Variants in SSBP2 observed in about 807,000 individuals in gnomAD.
The protein encoded by SSBP2 is single stranded DNA binding protein 2.
SSBP2 carries 17 observed loss-of-function variants against 61.8 expected under a neutral mutation model. The ratio of observed to expected loss-of-function variants is 0.28; its 90% CI spans 0.19 to 0.41. SSBP2 has a LOEUF of 0.41. SSBP2 is among the 10% of genes least tolerant of loss of function. The probability of loss-of-function intolerance (pLI) is 1.00; values close to 1 mark genes in which losing one functional copy is unlikely to be tolerated. For missense variants in SSBP2, 310 were observed against 458.7 expected, an observed-to-expected ratio of 0.68 and a Z score of 2.96; for synonymous variants, 139 against 141.3, an observed-to-expected ratio of 0.98 and a Z score of 0.12.
At chr5:81,583,368 G>A (rs562116216) in intron 4 of SSBP2, among the ~76,000 whole-genome samples, 5 of 151,662 alleles carry the variant, frequency 3.3e-5, no homozygotes, top group South Asian at 2.1e-4. Flanking sequence ...AGTGGCTCAC[G>A]CTTGTAATCC....
At chr5:81,687,490 A>G (rs1752904747) in intron 1 of SSBP2, among the ~76,000 whole-genome samples, 2 of 152,222 alleles carry the variant, frequency 1.3e-5, no homozygotes, top group South Asian at 2.1e-4. Flanking sequence ...TGCAGGGCAT[A>G]TGACCCAGTG....
At position 81,415,794 on chromosome 5, in the gene SSBP2, C is replaced by T. The variant is rs1055665180; in HGVS notation, c.*4710G>A. ...GGGCATGGTGGTGAGCACCTGTAGT[C>T]CCAGCCACTCGGGAGGCTGAGGCAG... On this transcript the variant is annotated 3_prime_UTR_variant, in exon 17 of 17. Transcript: ENST00000320672. 3.3e-5 allele frequency: 5 copies of T among 151,892 alleles called. No homozygotes were observed. Among genetic ancestry groups the T allele is most frequent in the African/African-American group, 1.2e-4 (5 of 41,032 alleles). The allele number at this position is 151,892 out of a possible 1,614,324, so 9.4% of individuals were successfully genotyped here. A position where few individuals can be genotyped will look rare whatever the true frequency, so the allele number is the denominator to read the frequency against.
chr5:81,490,664 T>C (rs180781398), intron 5 of SSBP2, among the ~76,000 whole-genome samples: 54 of 152,322 alleles, frequency 3.5e-4, no homozygotes, highest in African/African-American at 1.2e-3. Context: ...TCCAGAGCTG[T>C]TTTAAAAGGA....
intron 1 of SSBP2, among the ~76,000 whole-genome samples, chr5:81,693,202 T>TAAAAAAAAA (rs34403567): frequency 8.6e-6 from 1 of 116,148 alleles, no homozygotes. Flanking sequence ...GACTTTGTCT[T>TAAAAAAAAA]AAAAAAAAAA....
rs185852961 is a variant in SSBP2 at position 81,653,216 on chromosome 5, T to C, written c.63-2877A>G. On this transcript the variant is annotated intron_variant, in intron 1 of 16. Coordinates refer to ENST00000320672, the MANE Select transcript of SSBP2 (RefSeq NM_012446.5). ...TGTGGTGTTTGGTTTTCTGTTCCTG[T>C]GTTAGTTTGCTGAGAATGATGGCTT... Among the ~76,000 whole-genome samples, 4 of 152,210 alleles carry C rather than the reference T, an allele frequency of 2.6e-5. No individual in the cohort carries two copies. In the East Asian group the frequency reaches 7.7e-4, roughly 29 times the overall value.
chr5:81,485,607 A>C (rs1439464872), intron 6 of SSBP2, among the ~76,000 whole-genome samples: 1 of 152,220 alleles, frequency 6.6e-6, no homozygotes, highest in Non-Finnish European at 1.5e-5. Context: ...ACATAACGTC[A>C]TTAGTTTATG....
At chr5:81,671,281 G>A (rs1188768922) in intron 1 of SSBP2, among the ~76,000 whole-genome samples, 1 of 151,970 alleles carries the variant, frequency 6.6e-6, no homozygotes, top group Non-Finnish European at 1.5e-5. Context: ...GAATCACAGG[G>A]TATTTTTTTC....
At chr5:81,427,103 C>T (rs191245475) in intron 16 of SSBP2, among the ~76,000 whole-genome samples, 221 of 152,210 alleles carry the variant, frequency 1.5e-3, no homozygotes, top group Non-Finnish European at 2.0e-3. Context: ...TATCAAATAC[C>T]TCACTGAATT....
chr5:81,737,626 CAA>C (rs34670292), intron 1 of SSBP2, among the ~76,000 whole-genome samples: 28 of 148,256 alleles, frequency 1.9e-4, no homozygotes, highest in East Asian at 4.0e-4. Context: ...ACTAAAAATA[CAA>C]AAAAAAAAAA....
At chr5:81,522,540 T>C (rs754763271) in intron 4 of SSBP2, among the ~76,000 whole-genome samples, 2 of 152,014 alleles carry the variant, frequency 1.3e-5, no homozygotes, top group African/African-American at 2.4e-5. Context: ...ATAAACCTAA[T>C]CCCTAAAATT....
intron 5 of SSBP2, among the ~76,000 whole-genome samples, chr5:81,508,806 A>G (rs1050717879): frequency 5.3e-5 from 8 of 152,144 alleles, no homozygotes; most frequent in Admixed American, 4.6e-4. Flanking sequence ...GTTTCAATGT[A>G]TTTTTTAGAG....
At chr5:81,527,101 T>C (rs993575531) in intron 4 of SSBP2, among the ~76,000 whole-genome samples, 1 of 152,040 alleles carries the variant, frequency 6.6e-6, no homozygotes, top group Admixed American at 6.6e-5. Context: ...AAAGTCAACA[T>C]GGCTGAATCA....
At chr5:81,667,330 C>A (rs1418937551) in intron 1 of SSBP2, among the ~76,000 whole-genome samples, 3 of 150,158 alleles carry the variant, frequency 2.0e-5, no homozygotes, top group Non-Finnish European at 4.4e-5. Flanking sequence ...CACACACACA[C>A]ACGCTCCAAC....
chr5:81,692,303 C>T lies in SSBP2; in HGVS notation c.63-41964G>A, dbSNP rs556796758. 1.5e-4 allele frequency among the ~76,000 whole-genome samples: 23 copies of T among 151,730 alleles called. No individual in the cohort carries two copies. In the South Asian group the frequency reaches 4.0e-3, roughly 26 times the overall value. ...AATACCTAGGAATTAACCAAAGAAGCGAAAGATCTCTGCAATAAAAACTAT... is the reference window on the plus strand; with the variant it reads ...AATACCTAGGAATTAACCAAAGAAGTGAAAGATCTCTGCAATAAAAACTAT... On this transcript the variant is annotated intron_variant, in intron 1 of 16. Transcript: ENST00000320672.
At chr5:81,587,775 A>G (rs1392723379) in intron 4 of SSBP2, among the ~76,000 whole-genome samples, 1 of 151,554 alleles carries the variant, frequency 6.6e-6, no homozygotes, top group African/African-American at 2.4e-5. Context: ...ACACACACAC[A>G]CACACACACT....
chr5:81,436,001 A>T (rs1428640821), intron 15 of SSBP2, among the ~76,000 whole-genome samples: 2 of 152,062 alleles, frequency 1.3e-5, no homozygotes, highest in African/African-American at 4.8e-5. Context: ...CAGCCTGACC[A>T]ATATGGTGAA....
chr5:81,437,361 A>AAT, intron 15 of SSBP2, 69 bp downstream of exon 15: 1 of 1,439,238 alleles, frequency 6.9e-7, no homozygotes, highest in Admixed American at 2.2e-5. Flanking sequence ...AATTTACTCT[A>AAT]ATAATTTTAA....
At chr5:81,588,865 A>C (rs1286292824) in intron 4 of SSBP2, among the ~76,000 whole-genome samples, 1 of 152,162 alleles carries the variant, frequency 6.6e-6, no homozygotes, top group East Asian at 1.9e-4. Context: ...AGAGTTGGAG[A>C]CCAGCCTGGG....
At chr5:81,718,388 AAGAGAAAGAAAAC>A (rs1561725060) in intron 1 of SSBP2, among the ~76,000 whole-genome samples, 1 of 152,196 alleles carries the variant, frequency 6.6e-6, no homozygotes, top group Non-Finnish European at 1.5e-5. Context: ...TAACAGTGAT[AAGAGAAAGAAAAC>A]AGAGAAAGAT....
Sources: gnomAD v4.1 joint callset for allele counts (sites outside exome capture counted in the v4.1 genomes callset) on GRCh38, gnomAD v4.1.1 for gene constraint, MANE v1.5 for transcripts, NCBI Gene and HGNC (gene_info 2026-07-23, HGNC 2026-07-21) for gene names.